The following MCF2L2 variants were observed in gnomAD, a reference collection of about 807,000 sequenced individuals.
MCF2L2 encodes probable guanine nucleotide exchange factor MCF2L2.
Under a neutral mutation model 150.2 loss-of-function variants are expected in MCF2L2, and 102 were observed. The observed-to-expected ratio is 0.68, with a 90% CI of 0.58 to 0.80. The LOEUF is 0.80. MCF2L2 is among the 30% of genes least tolerant of loss of function. MCF2L2 has a pLI of 0.00. For missense variants in MCF2L2, 1,256 were observed against 1,372.8 expected, an observed-to-expected ratio of 0.91 and a Z score of 1.34; for synonymous variants, 465 against 491.3, an observed-to-expected ratio of 0.95 and a Z score of 0.71.
chr3:183,206,951 AAGGAAGGAAGGAAGGAAGGAAGGG>A (rs755834478), intron 23 of MCF2L2, among the ~76,000 whole-genome samples: 7,443 of 57,400 alleles, frequency 0.13, 418 homozygotes, highest in South Asian at 0.26. Flanking sequence ...GGAAGGAAGG[AAGGAAGGAAGGAAGGAAGGAAGGG>A]AGGGAGGGAG....
intron 18 of MCF2L2, chr3:183,225,475 A>C (rs775406615): frequency 2.0e-5 from 3 of 152,250 alleles, no homozygotes; most frequent in Non-Finnish European, 4.4e-5. Context: ...CAATTCTCCT[A>C]ATCTCCTTAT....
intron 7 of MCF2L2, 69 bp from the exon 8 acceptor site, chr3:183,311,841 A>T: frequency 7.3e-7 from 1 of 1,367,302 alleles, no homozygotes; most frequent in South Asian, 1.3e-5. Context: ...ATTGAGGTGA[A>T]GAGAATAGTA....
intron 3 of MCF2L2, among the ~76,000 whole-genome samples, chr3:183,362,665 T>G (rs1712287259): frequency 6.6e-6 from 1 of 151,806 alleles, no homozygotes; most frequent in Non-Finnish European, 1.5e-5. Context: ...AAAAAAGTTT[T>G]TAAGGCCATC....
At chr3:183,194,665 G>C (rs1302106578) in intron 26 of MCF2L2, among the ~76,000 whole-genome samples, 3 of 152,232 alleles carry the variant, frequency 2.0e-5, no homozygotes, top group Non-Finnish European at 4.4e-5. Context: ...CAGCAAGCAT[G>C]CACCAGAAAA....
At chr3:183,269,667 G>GT in intron 15 of MCF2L2, 1 of 796,244 alleles carries the variant, frequency 1.3e-6, no homozygotes, top group Admixed American at 2.9e-5. Flanking sequence ...TGTAAAATAA[G>GT]AAGACTTCCA....
chr3:183,297,943 A>C (rs1160166218), intron 11 of MCF2L2: 1 of 152,352 alleles, frequency 6.6e-6, no homozygotes, highest in East Asian at 1.9e-4. Context: ...ACCAGAACAC[A>C]GGGTGATTAA....
rs143089141 is a variant in MCF2L2, at chr3:183,259,221, T to C, written c.1862+17651A>G. On this transcript the variant is annotated intron_variant, in intron 15 of 29. Coordinates refer to ENST00000328913, the MANE Select transcript of MCF2L2 (RefSeq NM_015078.4). ...AAGCCAGCCTAACAAATCTCAAGAA[T>C]GTTTGAAAAATTCTAGCTTGAGTGA... Among the ~76,000 whole-genome samples, 352 of 152,296 alleles carry C rather than the reference T, an allele frequency of 2.3e-3. 2 individuals are homozygous for C. Among genetic ancestry groups the C allele is most frequent in the African/African-American group, 8.1e-3 (338 of 41,560 alleles).
At chr3:183,328,989 TGCC>T (rs1290867312) in intron 5 of MCF2L2, among the ~76,000 whole-genome samples, 2 of 152,126 alleles carry the variant, frequency 1.3e-5, no homozygotes, top group African/African-American at 2.4e-5. Flanking sequence ...TACCACAACA[TGCC>T]TATTAAATGA....
At chr3:183,344,155 G>A (rs912579998) in intron 3 of MCF2L2, among the ~76,000 whole-genome samples, 2 of 151,498 alleles carry the variant, frequency 1.3e-5, no homozygotes, top group Admixed American at 1.3e-4. Flanking sequence ...CCCAAAAAAA[G>A]TACTATTGAA....
chr3:183,400,565 T>C (rs1337749382), intron 1 of MCF2L2: 1 of 429,826 alleles, frequency 2.3e-6, no homozygotes, highest in Non-Finnish European at 4.7e-6. Context: ...ACAGAAATGT[T>C]CAATCCTTTC....
chr3:183,386,441 A>C (rs1713838265), intron 2 of MCF2L2, among the ~76,000 whole-genome samples: 1 of 152,184 alleles, frequency 6.6e-6, no homozygotes, highest in Admixed American at 6.5e-5. Context: ...CGGGCCACAA[A>C]TCTGGGTCAG....
chr3:183,300,286 G>A, intron 10 of MCF2L2, 90 bp from the exon 11 acceptor site: 1 of 1,150,510 alleles, frequency 8.7e-7, no homozygotes, highest in Non-Finnish European at 1.2e-6. Flanking sequence ...AAGCCTGGAG[G>A]GAGGCTGTGG....
chr3:183,335,545 C>T (rs34781364), intron 5 of MCF2L2, among the ~76,000 whole-genome samples: 10,485 of 152,078 alleles, frequency 0.069, 824 homozygotes, highest in African/African-American at 0.19. Flanking sequence ...GGGCTCCTTC[C>T]TCATGGATGG....
chr3:183,249,877 C>A (rs796412644), intron 15 of MCF2L2, among the ~76,000 whole-genome samples: 13 of 152,244 alleles, frequency 8.5e-5, no homozygotes, highest in African/African-American at 3.1e-4. Context: ...CTGCAGTTAC[C>A]AGGCATTCAT....
intron 27 of MCF2L2, among the ~76,000 whole-genome samples, chr3:183,191,992 C>T (rs1398348297): frequency 1.3e-5 from 2 of 151,046 alleles, no homozygotes; most frequent in Non-Finnish European, 3.0e-5. Flanking sequence ...AGGCGCCCAC[C>T]ACCAAGCGCA....
At chr3:183,297,235 C>G in intron 11 of MCF2L2, 68 bp from the exon 12 acceptor site, 1 of 1,356,028 alleles carries the variant, frequency 7.4e-7, no homozygotes, top group South Asian at 1.3e-5. Context: ...TAATCCTCAG[C>G]AGGTCTGAGC....
At chr3:183,253,426 C>T (rs1016732243) in intron 15 of MCF2L2, 1 of 152,140 alleles carries the variant, frequency 6.6e-6, no homozygotes, top group Non-Finnish European at 1.5e-5. Context: ...GCTTGAACTT[C>T]GTGAGTTTCG....
At chr3:183,390,654 A>G (rs554257114) in intron 1 of MCF2L2, among the ~76,000 whole-genome samples, 12 of 152,286 alleles carry the variant, frequency 7.9e-5, no homozygotes, top group African/African-American at 2.6e-4. Flanking sequence ...GTGGCTGGGT[A>G]CTGAGGCCGA....
chr3:183,269,230 C>CTTTTTTTTTT lies in MCF2L2; in HGVS notation c.1862+7632_1862+7641dup, dbSNP rs60835895. 2.7e-4 allele frequency among the ~76,000 whole-genome samples: 22 copies of CTTTTTTTTTT among 81,000 alleles called. 3 individuals carry two copies. Among genetic ancestry groups the CTTTTTTTTTT allele is most frequent in the African/African-American group, 3.8e-4 (6 of 15,760 alleles). The allele number at this position is 81,000 out of a possible 152,430, so 53.1% of individuals were successfully genotyped here. A position where few individuals can be genotyped will look rare whatever the true frequency, so the allele number is the denominator to read the frequency against. ...TACACGATTATAGCCGTTTGGGAAG[C>CTTTTTTTTTT]TTTTTTTTTTTTTTTTTTAAGAGTA... On this transcript the variant is annotated intron_variant, in intron 15 of 29. Coordinates refer to ENST00000328913, the MANE Select transcript of MCF2L2 (RefSeq NM_015078.4).
Sources: allele counts gnomAD v4.1 joint callset (sites outside exome capture counted in the v4.1 genomes callset), GRCh38; gene constraint gnomAD v4.1.1; transcripts MANE v1.5; gene names NCBI Gene and HGNC (gene_info 2026-07-23, HGNC 2026-07-21).